Variants in NLRP1 observed in about 807,000 individuals in gnomAD.
NLRP1 encodes the protein NACHT, LRR and PYD domains-containing protein 1.
A neutral mutation model predicts 136.7 loss-of-function variants in NLRP1; 94 were observed. That is an observed-to-expected ratio of 0.69 (90% CI 0.58 to 0.82). NLRP1 has a LOEUF of 0.82. Ranked by LOEUF, NLRP1 falls within the 40% of genes least tolerant of loss-of-function variation. The pLI, the probability that NLRP1 is intolerant of heterozygous loss-of-function variation, is 0.00. For synonymous variants in NLRP1, 690 were observed against 725.1 expected (o/e 0.95, Z 0.78); for missense variants, 1,575 against 1,802.7 (o/e 0.87, Z 2.29).
At chr17:5,546,298 G>A (rs564139202) in intron 5 of NLRP1, among the ~76,000 whole-genome samples, 1 of 152,322 alleles carries the variant, frequency 6.6e-6, no homozygotes, top group East Asian at 1.9e-4. Flanking sequence ...CCTGGCAGAA[G>A]GTTAGTGCTT....
chr17:5,580,002 G>C (rs1263521202), intron 3 of NLRP1, among the ~76,000 whole-genome samples: 1 of 152,114 alleles, frequency 6.6e-6, no homozygotes, highest in Non-Finnish European at 1.5e-5. Flanking sequence ...GGGTGGCTGA[G>C]GTGGGTGGAT....
At chr17:5,528,770 A>C (rs1388230760) in intron 12 of NLRP1, among the ~76,000 whole-genome samples, 1 of 152,224 alleles carries the variant, frequency 6.6e-6, no homozygotes, top group African/African-American at 2.4e-5. Flanking sequence ...ATGATACTAC[A>C]ACATATCAAC....
At chr17:5,558,316 A>G in intron 4 of NLRP1, 23 bp downstream of exon 4, 1 of 1,572,882 alleles carries the variant, frequency 6.4e-7, no homozygotes, top group Non-Finnish European at 8.6e-7. Context: ...GGAGCTGCAG[A>G]CATGGGTGGT....
chr17:5,508,803 C>T lies in NLRP1; in HGVS notation c.4070-6931G>A, dbSNP rs2151728394. Among the ~76,000 whole-genome samples the T allele has an allele frequency of 2.0e-5, 3 of 152,232 alleles. No individual in the cohort carries two copies. The South Asian group carries it at 6.2e-4, about 32-fold the overall frequency. Reference sequence around the variant, plus strand: ...GATGATAACAAGATGAAAATGTGTTCCTGCAGAGAAAGACTGGAATGGAAA... The same window carrying T: ...GATGATAACAAGATGAAAATGTGTTTCTGCAGAGAAAGACTGGAATGGAAA... On this transcript the variant is annotated intron_variant, in intron 15 of 15. Coordinates refer to the NLRP1 transcript ENST00000262467.
intron 8 of NLRP1, among the ~76,000 whole-genome samples, chr17:5,536,294 G>A (rs982298417): frequency 7.9e-5 from 12 of 151,534 alleles, no homozygotes; most frequent in Admixed American, 2.6e-4. Flanking sequence ...GACTACAGGC[G>A]TGCGTCACCA....
At chr17:5,526,037 C>T (rs947536374) in intron 12 of NLRP1, among the ~76,000 whole-genome samples, 2 of 151,254 alleles carry the variant, frequency 1.3e-5, no homozygotes, top group African/African-American at 2.4e-5. Context: ...GTGCAGTGCA[C>T]GATCATGACT....
Position 5,559,232 on chromosome 17 carries a change from T to G in NLRP1, c.1464A>C (p.Glu488Asp), listed in dbSNP as rs200847934. 5 of 1,614,206 alleles carry G rather than the reference T, an allele frequency of 3.1e-6. No homozygotes were observed. In the South Asian group the frequency reaches 5.5e-5, roughly 18 times the overall value. ...VLGFSESSRK[E>D]YFYRYFTDER... Reference sequence around the variant, plus strand: ...CATCTGTGAAATATCTGTAGAAATATTCCTTCCTGCTGGACTCAGAGAACC... The same window carrying G: ...CATCTGTGAAATATCTGTAGAAATAGTCCTTCCTGCTGGACTCAGAGAACC... The change falls in exon 4 of 17, where the codon GAA (glutamate) becomes GAC (aspartate). Residue 488 changes from glutamate (E) to aspartate (D), a missense_variant. By Grantham distance (45) the Glu-to-Asp change is conservative. Coordinates refer to ENST00000572272, the MANE Select transcript of NLRP1 (RefSeq NM_033004.4).
intron 12 of NLRP1, among the ~76,000 whole-genome samples, chr17:5,526,145 T>A (rs1909524153): frequency 6.6e-6 from 1 of 152,074 alleles, no homozygotes; most frequent in Admixed American, 6.6e-5. Context: ...TGGCTAATTC[T>A]TCAATATTTT....
At chr17:5,550,817 T>A (rs1423612850) in intron 5 of NLRP1, among the ~76,000 whole-genome samples, 2 of 152,218 alleles carry the variant, frequency 1.3e-5, no homozygotes, top group Non-Finnish European at 2.9e-5. Flanking sequence ...AAGTTTAGGT[T>A]ACTTATTTGA....
At position 5,584,287 on chromosome 17, in the gene NLRP1, G is replaced by A. The variant is rs368811062; in HGVS notation, c.-330C>T. The A allele has an allele frequency of 7.3e-6, 3 of 409,008 alleles. No homozygotes were observed. Among genetic ancestry groups the A allele is most frequent in the Admixed American group, 3.9e-5 (1 of 25,468 alleles). The allele number at this position is 409,008 out of a possible 1,614,324, so 25.3% of individuals were successfully genotyped here. A position where few individuals can be genotyped will look rare whatever the true frequency, so the allele number is the denominator to read the frequency against. ...TGACGGGAGATGGGGTGTGGGCAAC[G>A]CTCACTGTTCTGTGTTCCTCAGATT... On this transcript the variant is annotated 5_prime_UTR_variant, in exon 1 of 17. Transcript: ENST00000572272.
chr17:5,515,039 C>G lies in NLRP1; in HGVS notation c.4137G>C (p.Leu1379=). The G allele has an allele frequency of 6.2e-7, 1 of 1,614,180 alleles. No individual in the cohort carries two copies. The highest frequency in any genetic ancestry group is 8.5e-7 in the Non-Finnish European group (1 of 1,180,048). ...GCTCTCGATACTGGTCCACAAAGTG[C>G]AGCAACTGCGGGGCATCCAGAGGTG... The part of the protein sequence containing the change: ...VPSPLDAPQL[L]HFVDQYREQL... Residue 1379 remains leucine, a synonymous_variant, in exon 17 of 17, where the codon CTG becomes CTC. Coordinates refer to ENST00000572272, the MANE Select transcript of NLRP1 (RefSeq NM_033004.4).
At chr17:5,573,943 C>T (rs977478664) in intron 3 of NLRP1, among the ~76,000 whole-genome samples, 1 of 152,148 alleles carries the variant, frequency 6.6e-6, no homozygotes, top group African/African-American at 2.4e-5. Context: ...AGCAATGGAA[C>T]AAAGCTGGAC....
chr17:5,541,787 C>A lies in NLRP1; in HGVS notation c.2699+70G>T. 6.6e-7 allele frequency: 1 copy of A among 1,522,402 alleles called. No individual in the cohort carries two copies. The highest frequency in any genetic ancestry group is 1.1e-5 in the South Asian group (1 of 88,296). 94.3% of individuals were successfully genotyped at this position (1,522,402 alleles called of 1,614,324 possible). ...AAGCAGGTCTCACCTTCTCTCTGCT[C>A]TTACCCTCTGCCTGCCTCATGGTGG... On this transcript the variant is annotated intron_variant, in intron 6 of 16. Transcript: ENST00000572272. This position sits in a 1 kb window ranked among gnomAD's most constrained non-coding sequence, Gnocchi z 4.2.
chr17:5,562,481 T>C (rs1196124553), intron 3 of NLRP1, among the ~76,000 whole-genome samples: 1 of 152,050 alleles, frequency 6.6e-6, no homozygotes, highest in African/African-American at 2.4e-5. Context: ...ACAAAAGAAA[T>C]GCAGGTGTGG....
At chr17:5,517,984 A>G (rs1908377284) in intron 14 of NLRP1, 97 bp from the exon 15 acceptor site, 13 of 1,146,842 alleles carry the variant, frequency 1.1e-5, no homozygotes, top group East Asian at 2.4e-5. Flanking sequence ...CTCCATAAGG[A>G]CACTCTGATG....
At chr17:5,550,019 AC>A (rs1416736772) in intron 5 of NLRP1, among the ~76,000 whole-genome samples, 1 of 152,164 alleles carries the variant, frequency 6.6e-6, no homozygotes, top group Non-Finnish European at 1.5e-5. Flanking sequence ...CCTAGGTTAA[AC>A]CCAATTTGCA....
chr17:5,562,561 C>T (rs1567664449), intron 3 of NLRP1, among the ~76,000 whole-genome samples: 2 of 152,194 alleles, frequency 1.3e-5, no homozygotes, highest in Non-Finnish European at 2.9e-5. Flanking sequence ...CCCCCTGTCC[C>T]CAACACACAC....
intron 5 of NLRP1, among the ~76,000 whole-genome samples, chr17:5,542,861 G>A (rs1358669429): frequency 6.8e-6 from 1 of 148,120 alleles, no homozygotes; most frequent in South Asian, 2.2e-4. Context: ...ATGGAGTCTC[G>A]CTCTTTCACC....
At chr17:5,565,341 T>C (rs2151811379) in intron 3 of NLRP1, among the ~76,000 whole-genome samples, 1 of 152,370 alleles carries the variant, frequency 6.6e-6, no homozygotes, top group South Asian at 2.1e-4. Context: ...TTTAGATTTT[T>C]TCCTATAGAG....
Sources: gnomAD v4.1 joint callset for allele counts (sites outside exome capture counted in the v4.1 genomes callset) on GRCh38, gnomAD v4.1.1 for gene constraint, Gnocchi (gnomAD v3.1) non-coding constraint, MANE v1.5 for transcripts, NCBI Gene and HGNC (gene_info 2026-07-23, HGNC 2026-07-21) for gene names.